The following CCDC192 variants were observed in gnomAD, a reference collection of about 807,000 sequenced individuals.
CCDC192 encodes the protein coiled-coil domain containing 192, also known as coiled-coil domain-containing protein 192.
At chr5:127,714,111 G>T (rs1208133342) in intron 2 of CCDC192, among the ~76,000 whole-genome samples, 2 of 151,910 alleles carry the variant, frequency 1.3e-5, no homozygotes, top group African/African-American at 4.8e-5. Flanking sequence ...TCTGTGTCTG[G>T]CTTATTTCAC....
chr5:127,794,252 G>A (rs1757040690), intron 3 of CCDC192, among the ~76,000 whole-genome samples: 1 of 152,086 alleles, frequency 6.6e-6, no homozygotes, highest in South Asian at 2.1e-4. Context: ...TGATGACCAG[G>A]GCCTACTTTG....
chr5:127,771,375 G>T (rs116030216), intron 3 of CCDC192, among the ~76,000 whole-genome samples: 75 of 152,266 alleles, frequency 4.9e-4, no homozygotes, highest in African/African-American at 1.6e-3. Flanking sequence ...TTTTAAAAGA[G>T]TTCAATTACA....
At chr5:127,724,702 A>G (rs115925285) in intron 2 of CCDC192, among the ~76,000 whole-genome samples, 4,768 of 152,118 alleles carry the variant, frequency 0.031, 243 homozygotes, top group African/African-American at 0.11. Context: ...TACAAAAATT[A>G]TCAGGGTGTG....
At chr5:127,922,468 G>T (rs1753749080) in intron 6 of CCDC192, among the ~76,000 whole-genome samples, 1 of 152,186 alleles carries the variant, frequency 6.6e-6, no homozygotes. Flanking sequence ...GCCAGGCATG[G>T]TGGCTCATGC....
intron 3 of CCDC192, among the ~76,000 whole-genome samples, chr5:127,763,835 T>C (rs1755063776): frequency 6.6e-6 from 1 of 152,158 alleles, no homozygotes; most frequent in African/African-American, 2.4e-5. Flanking sequence ...TCTGCTAACT[T>C]TCTCTACTTC....
At chr5:127,736,618 G>C (rs1323088961) in intron 2 of CCDC192, among the ~76,000 whole-genome samples, 1 of 151,852 alleles carries the variant, frequency 6.6e-6, no homozygotes, top group Non-Finnish European at 1.5e-5. Flanking sequence ...CCTGTTATTG[G>C]TCTATTCAGA....
intron 3 of CCDC192, among the ~76,000 whole-genome samples, chr5:127,788,796 G>C (rs1369076241): frequency 6.6e-6 from 1 of 151,992 alleles, no homozygotes; most frequent in African/African-American, 2.4e-5. Flanking sequence ...TCCAATTGCT[G>C]TATTGCTATG....
At position 127,813,164 on chromosome 5, in the gene CCDC192, G is replaced by A. The variant is rs79211139; in HGVS notation, c.411+15002G>A. On this transcript the variant is annotated intron_variant, in intron 5 of 6. Transcript: ENST00000514853. ...CACCTTTCCATGAGGCCCTTTTGAC[G>A]TTACTGTTCACCTTCCTCATTGCGG... Among the ~76,000 whole-genome samples, 497 of 152,238 alleles carry A rather than the reference G, an allele frequency of 3.3e-3. 5 individuals carry two copies. The highest frequency in any genetic ancestry group is 0.029 in the East Asian group (148 of 5,160).
chr5:127,811,442 A>G (rs1272948911), intron 5 of CCDC192, among the ~76,000 whole-genome samples: 1 of 152,128 alleles, frequency 6.6e-6, no homozygotes, highest in Admixed American at 6.6e-5. Flanking sequence ...CTTACTTGAA[A>G]CTTAAGGGAT....
chr5:127,811,907 T>G (rs1466790572), intron 5 of CCDC192, among the ~76,000 whole-genome samples: 1 of 152,130 alleles, frequency 6.6e-6, no homozygotes, highest in South Asian at 2.1e-4. Context: ...CCCAGTAAAT[T>G]GGATGAGTTG....
At chr5:127,789,242 T>A (rs572556305) in intron 3 of CCDC192, among the ~76,000 whole-genome samples, 5 of 152,350 alleles carry the variant, frequency 3.3e-5, no homozygotes, top group African/African-American at 1.2e-4. Context: ...AAAGTAGATA[T>A]TTCCATGAAG....
intron 6 of CCDC192, among the ~76,000 whole-genome samples, chr5:127,925,139 G>A (rs1753829064): frequency 6.6e-6 from 1 of 152,110 alleles, no homozygotes; most frequent in African/African-American, 2.4e-5. Flanking sequence ...AGTCTAACCT[G>A]AAAATAACTC....
chr5:127,873,848 C>T (rs1751959291), intron 5 of CCDC192, among the ~76,000 whole-genome samples: 1 of 152,194 alleles, frequency 6.6e-6, no homozygotes, highest in South Asian at 2.1e-4. Context: ...CAAACCAACT[C>T]ACCAGAGACA....
At chr5:127,934,143 C>T (rs1400110205) in intron 6 of CCDC192, among the ~76,000 whole-genome samples, 3 of 152,094 alleles carry the variant, frequency 2.0e-5, no homozygotes, top group Admixed American at 6.5e-5. Flanking sequence ...TACCCCATGT[C>T]ATTCAGGCTG....
intron 3 of CCDC192, among the ~76,000 whole-genome samples, chr5:127,755,861 C>A (rs1395675430): frequency 6.6e-6 from 1 of 151,196 alleles, no homozygotes; most frequent in African/African-American, 2.4e-5. Context: ...AGATTGAATT[C>A]ACTCATAAAA....
At chr5:127,822,296 C>T (rs1175372416) in intron 5 of CCDC192, among the ~76,000 whole-genome samples, 1 of 152,200 alleles carries the variant, frequency 6.6e-6, no homozygotes, top group African/African-American at 2.4e-5. Context: ...GGGGTTCAAT[C>T]TGCCCATGGG....
intron 5 of CCDC192, among the ~76,000 whole-genome samples, chr5:127,826,681 T>C (rs562633986): frequency 7.3e-5 from 11 of 149,712 alleles, no homozygotes; most frequent in South Asian, 2.2e-4. Flanking sequence ...TGAAAAACTA[T>C]TGGGTACTAT....
chr5:127,876,760 A>T (rs993876020), intron 6 of CCDC192, among the ~76,000 whole-genome samples: 3 of 152,198 alleles, frequency 2.0e-5, no homozygotes. Context: ...GCGATGTGGT[A>T]GTTTCAGAAA....
At chr5:127,844,833 C>A (rs1175125075) in intron 5 of CCDC192, among the ~76,000 whole-genome samples, 3 of 152,176 alleles carry the variant, frequency 2.0e-5, no homozygotes, top group Non-Finnish European at 4.4e-5. Context: ...CAGCAGGTGT[C>A]CCTAAAATAC....
Sources: allele counts gnomAD v4.1 joint callset (sites outside exome capture counted in the v4.1 genomes callset), GRCh38; gene constraint gnomAD v4.1.1; transcripts MANE v1.5; gene names NCBI Gene and HGNC (gene_info 2026-07-23, HGNC 2026-07-21).